Variants in STK3 observed in about 807,000 individuals in gnomAD.
STK3 encodes the protein serine/threonine-protein kinase 3.
Under a neutral mutation model 58.0 loss-of-function variants are expected in STK3, and 41 were observed. That is an observed-to-expected ratio of 0.71 (90% CI 0.55 to 0.92). STK3 has a LOEUF of 0.92. STK3 is among the 40% of genes least tolerant of loss of function. The pLI is 0.00. For missense variants in STK3, 479 were observed against 602.7 expected, an observed-to-expected ratio of 0.79 and a Z score of 2.15; for synonymous variants, 170 against 191.0, an observed-to-expected ratio of 0.89 and a Z score of 0.91.
chr8:98,894,580 A>G (rs1838382909), intron 1 of STK3, among the ~76,000 whole-genome samples: 1 of 152,152 alleles, frequency 6.6e-6, no homozygotes, highest in African/African-American at 2.4e-5. Flanking sequence ...TATGCTACAT[A>G]ATTTACCTAT....
chr8:98,602,807 GAA>G (rs1816465043), intron 6 of STK3, among the ~76,000 whole-genome samples: 1 of 150,308 alleles, frequency 6.7e-6, no homozygotes. Flanking sequence ...GAAAGTAGAT[GAA>G]AGAGTCATAA....
chr8:98,380,963 CTTTTTTT>C (rs33934435), intron 1 of STK3, among the ~76,000 whole-genome samples: 3 of 44,096 alleles, frequency 6.8e-5, no homozygotes, highest in Admixed American at 3.6e-4. Context: ...TCTCTCTCTC[CTTTTTTT>C]TTTTTTTTTT....
chr8:98,813,239 C>T (rs1390321236), intron 1 of STK3, among the ~76,000 whole-genome samples: 1 of 152,072 alleles, frequency 6.6e-6, no homozygotes, highest in Non-Finnish European at 1.5e-5. Context: ...ATAACTTGCC[C>T]ACCACTGCAT....
In STK3 at chr8:98,548,174, T is replaced by C; in HGVS notation, c.949-13A>G. On this transcript the variant is annotated splice_polypyrimidine_tract_variant and intron_variant, in intron 8 of 10. Transcript: ENST00000419617. The stretch of plus-strand genomic sequence containing the variant: ...GCTCATCTTCATCCTGCAAGCAAAA[T>C]ACTGCAATGAGGGAAGACTTTTCTA... The C allele has an allele frequency of 1.3e-6, 2 of 1,500,300 alleles. No individual in the cohort carries two copies. The highest frequency in any genetic ancestry group is 8.9e-7 in the Non-Finnish European group (1 of 1,123,246). 92.9% of individuals were successfully genotyped at this position (1,500,300 alleles called of 1,614,324 possible). A position where few individuals can be genotyped will look rare whatever the true frequency, so the allele number is the denominator to read the frequency against.
At chr8:98,404,891 A>G (rs1817978910) in intron 3 of STK3, among the ~76,000 whole-genome samples, 1 of 152,146 alleles carries the variant, frequency 6.6e-6, no homozygotes, top group South Asian at 2.1e-4. Flanking sequence ...GTAGGTTACC[A>G]TTCTGCTTAA....
intron 6 of STK3, among the ~76,000 whole-genome samples, chr8:98,625,820 A>C (rs1440347554): frequency 1.3e-5 from 2 of 152,198 alleles, no homozygotes; most frequent in Non-Finnish European, 2.9e-5. Flanking sequence ...CCACAGAAAA[A>C]ACATCCACAG....
chr8:98,588,195 G>A (rs552133755), intron 7 of STK3, among the ~76,000 whole-genome samples: 2 of 152,024 alleles, frequency 1.3e-5, no homozygotes, highest in African/African-American at 2.4e-5. Context: ...TCCTAGTCTC[G>A]ATGGTCTTTA....
At chr8:98,861,335 T>C (rs979143505) in intron 3 of STK3, among the ~76,000 whole-genome samples, 3 of 151,418 alleles carry the variant, frequency 2.0e-5, no homozygotes, top group Admixed American at 1.3e-4. Context: ...TAGGGCTTTG[T>C]TTCTTTGGAT....
intron 9 of STK3, among the ~76,000 whole-genome samples, chr8:98,535,806 C>T (rs1044135944): frequency 1.3e-5 from 2 of 152,066 alleles, no homozygotes; most frequent in African/African-American, 4.8e-5. Flanking sequence ...TTGCTTTTTT[C>T]ACTACAAAGA....
At chr8:98,809,765 C>T (rs1428933614) in intron 1 of STK3, among the ~76,000 whole-genome samples, 1 of 152,114 alleles carries the variant, frequency 6.6e-6, no homozygotes, top group Non-Finnish European at 1.5e-5. Flanking sequence ...TTGCTTCCAC[C>T]TTTGGGCTGT....
At chr8:98,595,781 A>G in intron 7 of STK3, 1 of 344,708 alleles carries the variant, frequency 2.9e-6, no homozygotes, top group Non-Finnish European at 5.3e-6. Flanking sequence ...AAAAAAAAAC[A>G]TGAGAAATAG....
At chr8:98,497,378 T>C (rs1404473948) in intron 10 of STK3, among the ~76,000 whole-genome samples, 3 of 152,018 alleles carry the variant, frequency 2.0e-5, no homozygotes, top group Non-Finnish European at 2.9e-5. Context: ...CTTTGTGACC[T>C]GGAGCTACAC....
intron 1 of STK3, among the ~76,000 whole-genome samples, chr8:98,381,589 AG>A (rs1817733933): frequency 1.3e-5 from 2 of 152,290 alleles, no homozygotes; most frequent in African/African-American, 4.8e-5. Flanking sequence ...CAGGGTTGGG[AG>A]TCAGTTCTTA....
At chr8:98,446,539 G>A (rs1233097716) in intron 1 of STK3, among the ~76,000 whole-genome samples, 4 of 152,120 alleles carry the variant, frequency 2.6e-5, no homozygotes, top group East Asian at 1.9e-4. Context: ...TTAGAGAAAT[G>A]CAAATCAAAA....
upstream of STK3, chr8:98,825,714 T>TCCCGCCCCGCCCCGCCCCCGGCCGC: frequency 2.0e-6 from 2 of 991,032 alleles, no homozygotes; most frequent in African/African-American, 1.8e-5. Flanking sequence ...GCGCGGCTCC[T>TCCCGCCCCGCCCCGCCCCCGGCCGC]CCCGCCCCGC....
intron 1 of STK3, among the ~76,000 whole-genome samples, chr8:98,916,186 G>T (rs1013721567): frequency 6.6e-6 from 1 of 152,132 alleles, no homozygotes; most frequent in Admixed American, 6.5e-5. Context: ...AGACCGAGGC[G>T]AGTGGATCAC....
intron 1 of STK3, among the ~76,000 whole-genome samples, chr8:98,908,858 A>AG (rs1459742277): frequency 6.6e-5 from 10 of 150,400 alleles, no homozygotes; most frequent in East Asian, 2.0e-4. Flanking sequence ...AAAAAAAAAA[A>AG]AAAAAAGAAA....
intron 10 of STK3, among the ~76,000 whole-genome samples, chr8:98,507,324 C>A (rs1226097331): frequency 1.3e-5 from 2 of 152,218 alleles, no homozygotes; most frequent in African/African-American, 4.8e-5. Context: ...CAGTTATAGG[C>A]AACACCATCC....
At chr8:98,907,832 G>C (rs1190140953) in intron 1 of STK3, among the ~76,000 whole-genome samples, 3 of 152,158 alleles carry the variant, frequency 2.0e-5, no homozygotes, top group Non-Finnish European at 4.4e-5. Flanking sequence ...CTTGCATTTA[G>C]TTGATATGTT....
Sources: gnomAD v4.1 joint callset for allele counts (sites outside exome capture counted in the v4.1 genomes callset) on GRCh38, gnomAD v4.1.1 for gene constraint, MANE v1.5 for transcripts, NCBI Gene and HGNC (gene_info 2026-07-23, HGNC 2026-07-21) for gene names.